The following GSDMC variants were observed in gnomAD, a reference collection of about 807,000 sequenced individuals.
GSDMC encodes gasdermin-C.
GSDMC carries 59 observed loss-of-function variants against 58.0 expected under a neutral mutation model. That is an observed-to-expected ratio of 1.02 (90% CI 0.82 to 1.26). GSDMC has a LOEUF of 1.26. Among genes scored for constraint, GSDMC ranks in the 50% most tolerant of loss-of-function variants. GSDMC has a pLI of 0.00. For missense variants in GSDMC, 659 were observed against 598.5 expected, an observed-to-expected ratio of 1.10 and a Z score of -1.06; for synonymous variants, 241 against 220.2, an observed-to-expected ratio of 1.09 and a Z score of -0.83.
chr8:129,750,374 C>A, intron 11 of GSDMC, 57 bp downstream of exon 11: 1 of 1,543,282 alleles, frequency 6.5e-7, no homozygotes, highest in Non-Finnish European at 8.8e-7. Context: ...AGTCATATCT[C>A]CTAACCAATC....
chr8:129,728,820 AC>A, the GSDMC span: 1 of 571,708 alleles, frequency 1.7e-6, no homozygotes, highest in Non-Finnish European at 3.4e-6. Context: ...AGGCGGACGG[AC>A]CCTGAGCTGA....
the GSDMC span, among the ~76,000 whole-genome samples, chr8:129,711,464 T>C: frequency 6.6e-6 from 1 of 152,212 alleles, no homozygotes; most frequent in African/African-American, 2.4e-5. Context: ...TTATCTTAGC[T>C]AGGACAAAAC....
chr8:129,764,331 G>T (rs2033782937), intron 4 of GSDMC, among the ~76,000 whole-genome samples: 1 of 152,070 alleles, frequency 6.6e-6, no homozygotes, highest in Admixed American at 6.6e-5. Flanking sequence ...GGTTTTTTTA[G>T]TTATTTCTTT....
At chr8:129,723,096 A>C in the GSDMC span, 2 of 152,230 alleles carry the variant, frequency 1.3e-5, no homozygotes, top group South Asian at 2.1e-4. Flanking sequence ...ACTGTTAGCC[A>C]ACCATGAGTA....
At chr8:129,750,800 G>A (rs1003947994) in intron 10 of GSDMC, among the ~76,000 whole-genome samples, 2 of 152,164 alleles carry the variant, frequency 1.3e-5, no homozygotes, top group Non-Finnish European at 2.9e-5. Context: ...AGGGTACTGG[G>A]AGCAGAGATT....
the GSDMC span, among the ~76,000 whole-genome samples, chr8:129,728,245 T>A: frequency 6.6e-6 from 1 of 152,066 alleles, no homozygotes; most frequent in African/African-American, 2.4e-5. Flanking sequence ...CTCAGGTAGA[T>A]CTCCAGGCAT....
intron 3 of GSDMC, among the ~76,000 whole-genome samples, chr8:129,772,556 C>G (rs531588766): frequency 5.1e-4 from 77 of 152,152 alleles, no homozygotes; most frequent in African/African-American, 1.7e-3. Flanking sequence ...AACATATGAT[C>G]TATTGAGATT....
the GSDMC span, among the ~76,000 whole-genome samples, chr8:129,714,678 T>G: frequency 1.3e-5 from 2 of 152,026 alleles, no homozygotes; most frequent in Admixed American, 6.6e-5. Flanking sequence ...TATAATTACA[T>G]GGCCAAAATC....
the GSDMC span, among the ~76,000 whole-genome samples, chr8:129,722,514 A>T: frequency 2.6e-5 from 4 of 152,272 alleles, no homozygotes; most frequent in Non-Finnish European, 5.9e-5. Flanking sequence ...TATTTCACCT[A>T]CTGGAGTCCT....
At position 129,750,509 on chromosome 8, in the gene GSDMC, C is replaced by A. The variant is rs768799375; in HGVS notation, c.1005G>T (p.Lys335Asn). The A allele has an allele frequency of 6.2e-7, 1 of 1,613,752 alleles. No individual in the cohort carries two copies. The highest frequency in any genetic ancestry group is 1.3e-5 in the African/African-American group (1 of 74,924). The change falls in exon 11 of 14, where the codon AAG becomes AAT. Residue 335 changes from lysine to asparagine, a missense_variant. Coordinates refer to ENST00000276708, the MANE Select transcript of GSDMC (RefSeq NM_031415.3). ...TGTAGAACATGACATCCTGAACATC[C>A]TTTGAGAGCTGAGCCAGTGTCTTTA... is the stretch of plus-strand genomic sequence containing the variant. The part of the protein sequence containing the change: ...QKIKTLAQLS[K>N]DVQDVMFYSI...
At chr8:129,733,794 G>T in the GSDMC span, among the ~76,000 whole-genome samples, 1 of 140,378 alleles carries the variant, frequency 7.1e-6, no homozygotes, top group South Asian at 2.2e-4. Flanking sequence ...GTGAGGACCA[G>T]CAATGAAACA....
In GSDMC at chr8:129,765,632, C is replaced by T. The variant is rs749507712; in HGVS notation, c.566G>A (p.Gly189Asp). ...LGKIALWITY[G>D]KGQGQGESLR... is the part of the protein sequence containing the mutation. ...CACTTCAGGACAACTTTATACCTTG[C>T]CATAGGTAATCCAAAGAGCAATTTT... The change falls in exon 4 of 14, where the codon GGC (glycine) becomes GAC (aspartate). Residue 189 changes from glycine to aspartate, a missense_variant. By Grantham distance (94) the Gly-to-Asp change is moderately conservative (BLOSUM62 -1). Coordinates refer to ENST00000276708, the MANE Select transcript of GSDMC (RefSeq NM_031415.3). 1 of 1,611,760 alleles carries T rather than the reference C, an allele frequency of 6.2e-7. No individual in the cohort carries two copies. Among genetic ancestry groups the T allele is most frequent in the Admixed American group, 1.7e-5 (1 of 60,008 alleles).
chr8:129,713,939 C>T, the GSDMC span, among the ~76,000 whole-genome samples: 4 of 152,086 alleles, frequency 2.6e-5, no homozygotes, highest in Non-Finnish European at 5.9e-5. Context: ...GGAAAAAGGT[C>T]GGGCTCTCAC....
chr8:129,769,285 G>C (rs1475388991), intron 3 of GSDMC, among the ~76,000 whole-genome samples: 1 of 152,020 alleles, frequency 6.6e-6, no homozygotes, highest in East Asian at 1.9e-4. Context: ...CAAGAGAAAA[G>C]CTACTCATTA....
chr8:129,758,831 C>T (rs1196123865), intron 6 of GSDMC, among the ~76,000 whole-genome samples: 1 of 152,100 alleles, frequency 6.6e-6, no homozygotes, highest in Non-Finnish European at 1.5e-5. Context: ...TATCAAAACA[C>T]CAATGACATT....
the GSDMC span, among the ~76,000 whole-genome samples, chr8:129,717,008 A>T: frequency 6.6e-6 from 1 of 152,106 alleles, no homozygotes; most frequent in East Asian, 1.9e-4. Flanking sequence ...GTGCTGCTGG[A>T]TTCGGTTTGC....
At chr8:129,772,325 A>G (rs1168855200) in intron 3 of GSDMC, among the ~76,000 whole-genome samples, 2 of 151,926 alleles carry the variant, frequency 1.3e-5, no homozygotes, top group Non-Finnish European at 1.5e-5. Flanking sequence ...AACAATAGAA[A>G]AGAAAAGGTA....
chr8:129,750,255 C>T (rs1586573536), intron 11 of GSDMC, 136 bp from the exon 12 acceptor site: 4 of 955,874 alleles, frequency 4.2e-6, no homozygotes, highest in Non-Finnish European at 6.0e-6. Flanking sequence ...CAAGCAGCCT[C>T]AGTAGTGGGG....
chr8:129,752,791 A>G lies in GSDMC; in HGVS notation c.751T>C (p.Cys251Arg), dbSNP rs377444902. The change falls in exon 7 of 14, where the codon TGT becomes CGT. Residue 251 changes from cysteine (C) to arginine (R), a missense_variant. Coordinates refer to ENST00000276708, the MANE Select transcript of GSDMC (RefSeq NM_031415.3). ...AGCAACCCCTCACTCCTCGCAGCAC[A>G]GTAGCCTACCATTTCGGAAATTTCG... Reference protein sequence around the residue: ...EYEISEMVGYCAARSEGLLPS... With the variant: ...EYEISEMVGYRAARSEGLLPS... The G allele has an allele frequency of 9.9e-6, 16 of 1,614,178 alleles. No individual in the cohort carries two copies. Among genetic ancestry groups the G allele is most frequent in the East Asian group, 2.2e-5 (1 of 44,874 alleles).
Sources: gnomAD v4.1 joint callset for allele counts (sites outside exome capture counted in the v4.1 genomes callset) on GRCh38, gnomAD v4.1.1 for gene constraint, MANE v1.5 for transcripts, NCBI Gene and HGNC (gene_info 2026-07-23, HGNC 2026-07-21) for gene names.